The following PALD1 variants were observed in gnomAD, a reference collection of about 807,000 sequenced individuals.
The protein encoded by PALD1 is phosphatase domain containing paladin 1.
Under a neutral mutation model 96.0 loss-of-function variants are expected in PALD1, and 57 were observed. The observed-to-expected ratio is 0.59, with a 90% CI of 0.48 to 0.74. PALD1 has a LOEUF of 0.74. PALD1 is among the 30% of genes least tolerant of loss of function. The pLI is 0.00. For synonymous variants in PALD1, 464 were observed against 473.6 expected (o/e 0.98, Z 0.26); for missense variants, 1,063 against 1,143.7 (o/e 0.93, Z 1.02).
At chr10:70,497,303 G>A (rs1019632471) in intron 1 of PALD1, among the ~76,000 whole-genome samples, 6 of 152,364 alleles carry the variant, frequency 3.9e-5, no homozygotes, top group South Asian at 2.1e-4. Context: ...TTCTACTCAC[G>A]TGTGCTCCTG....
the PALD1 span, among the ~76,000 whole-genome samples, chr10:70,464,884 T>C: frequency 2.6e-4 from 40 of 152,046 alleles, no homozygotes; most frequent in African/African-American, 8.9e-4. Context: ...CATTTTGGCC[T>C]TCCAAAGTGC....
At chr10:70,465,671 C>T in the PALD1 span, among the ~76,000 whole-genome samples, 1 of 152,138 alleles carries the variant, frequency 6.6e-6, no homozygotes, top group Admixed American at 6.5e-5. Context: ...TGACACCCTC[C>T]AAGACATCAC....
intron 19 of PALD1, among the ~76,000 whole-genome samples, chr10:70,566,287 G>A (rs148851871): frequency 1.1e-3 from 172 of 152,310 alleles, no homozygotes; most frequent in Non-Finnish European, 2.2e-3. Context: ...TGGGAGCATC[G>A]AGCTGCACAG....
At chr10:70,558,151 G>T (rs1037659180) in intron 18 of PALD1, among the ~76,000 whole-genome samples, 19 of 151,786 alleles carry the variant, frequency 1.3e-4, no homozygotes, top group African/African-American at 3.9e-4. Context: ...TTGCTCTGTT[G>T]CCTGGGTTGC....
At chr10:70,556,279 CCTCTCTCT>C (rs112574716) in intron 18 of PALD1, among the ~76,000 whole-genome samples, 3 of 128,652 alleles carry the variant, frequency 2.3e-5, no homozygotes, top group African/African-American at 5.8e-5. Context: ...GTAGCCGAGA[CCTCTCTCT>C]CTCTCTCTCT....
intron 17 of PALD1, among the ~76,000 whole-genome samples, chr10:70,542,609 TCTTTC>T (rs2132402962): frequency 6.6e-6 from 1 of 152,374 alleles, no homozygotes; most frequent in Admixed American, 6.5e-5. Flanking sequence ...TGTCAGAATT[TCTTTC>T]CTTTTAGAGG....
intron 1 of PALD1, among the ~76,000 whole-genome samples, chr10:70,480,774 G>T (rs78677089): frequency 1.3e-5 from 2 of 152,334 alleles, no homozygotes; most frequent in Non-Finnish European, 2.9e-5. Flanking sequence ...AACAGGTGGT[G>T]CACAGACCTG....
intron 1 of PALD1, among the ~76,000 whole-genome samples, chr10:70,521,287 C>A (rs1200170466): frequency 6.6e-6 from 1 of 152,042 alleles, no homozygotes; most frequent in Non-Finnish European, 1.5e-5. Flanking sequence ...TCTAAAGAGG[C>A]AGGGAGGAAG....
At chr10:70,522,103 G>T (rs1297749639) in intron 1 of PALD1, among the ~76,000 whole-genome samples, 1 of 152,224 alleles carries the variant, frequency 6.6e-6, no homozygotes, top group East Asian at 1.9e-4. Flanking sequence ...TGACAAGGCT[G>T]CAGTGGCTCA....
At position 70,566,661 on chromosome 10, in the gene PALD1, C is replaced by T; in HGVS notation, c.2499C>T (p.Phe833=). 1.2e-6 allele frequency: 2 copies of T among 1,610,016 alleles called. No homozygotes were observed. Among genetic ancestry groups the T allele is most frequent in the Non-Finnish European group, 1.7e-6 (2 of 1,178,934 alleles). ...PELESGEDQP[F]SRLRYRWQEQ... ...TGGAGAGCGGGGAGGACCAGCCCTT[C>T]TCCAGGCTGCGCTACCGGTGGCAGG... Residue 833 remains phenylalanine, a synonymous_variant, in exon 20 of 20, where the codon TTC becomes TTT. Transcript: ENST00000263563.
chr10:70,498,331 G>A (rs1467388815), intron 1 of PALD1, among the ~76,000 whole-genome samples: 1 of 152,152 alleles, frequency 6.6e-6, no homozygotes, highest in East Asian at 1.9e-4. Context: ...GCTAGAGCGA[G>A]CACAGTGGCA....
At chr10:70,520,685 C>CTTTTTTTTTTT (rs10545684) in intron 1 of PALD1, among the ~76,000 whole-genome samples, 5 of 87,668 alleles carry the variant, frequency 5.7e-5, no homozygotes, top group South Asian at 5.3e-4. Flanking sequence ...TTCTTTCTTT[C>CTTTTTTTTTTT]TTTTTTTTTT....
At chr10:70,492,646 G>A (rs1268558927) in intron 1 of PALD1, among the ~76,000 whole-genome samples, 1 of 151,634 alleles carries the variant, frequency 6.6e-6, no homozygotes, top group Non-Finnish European at 1.5e-5. Context: ...TAGTAGAGAT[G>A]GGGTTTCACC....
chr10:70,544,321 G>A (rs754574551), intron 17 of PALD1, among the ~76,000 whole-genome samples: 5 of 152,192 alleles, frequency 3.3e-5, no homozygotes, highest in Non-Finnish European at 7.3e-5. Flanking sequence ...TTTGTCAGAA[G>A]GGAAGCAGGC....
chr10:70,484,731 G>T (rs990231408), intron 1 of PALD1, among the ~76,000 whole-genome samples: 8 of 151,908 alleles, frequency 5.3e-5, no homozygotes, highest in African/African-American at 1.9e-4. Context: ...TATAGATGGG[G>T]TTTTGCCATT....
chr10:70,485,134 C>T (rs1310513911), intron 1 of PALD1, among the ~76,000 whole-genome samples: 3 of 151,598 alleles, frequency 2.0e-5, no homozygotes, highest in Admixed American at 6.6e-5. Context: ...TTACAGAGTA[C>T]GAACATCTTA....
chr10:70,512,277 G>T (rs1188231187), intron 1 of PALD1, among the ~76,000 whole-genome samples: 2 of 152,072 alleles, frequency 1.3e-5, no homozygotes, highest in Non-Finnish European at 2.9e-5. Flanking sequence ...CCTGCTTCTG[G>T]GGGATGAAGG....
At position 70,567,941 on chromosome 10, in the gene PALD1, T is replaced by C. The variant is rs1371558813; in HGVS notation, c.*1208T>C. Reference sequence around the variant, plus strand: ...ACAGTGAGGAGGCTGTCCACCTTGCTTGGCTCACTGGGACCAGGAAAGCCT... The same window carrying C: ...ACAGTGAGGAGGCTGTCCACCTTGCCTGGCTCACTGGGACCAGGAAAGCCT... On this transcript the variant is annotated 3_prime_UTR_variant, in exon 20 of 20. Coordinates refer to ENST00000263563, the MANE Select transcript of PALD1 (RefSeq NM_014431.3). 1 of 152,094 alleles carries C rather than the reference T, an allele frequency of 6.6e-6. No homozygotes were observed. The highest frequency in any genetic ancestry group is 1.5e-5 in the Non-Finnish European group (1 of 68,020). 9.4% of individuals were successfully genotyped at this position (152,094 alleles called of 1,614,324 possible). A position where few individuals can be genotyped will look rare whatever the true frequency, so the allele number is the denominator to read the frequency against.
At chr10:70,465,732 T>G in the PALD1 span, among the ~76,000 whole-genome samples, 1 of 152,136 alleles carries the variant, frequency 6.6e-6, no homozygotes. Flanking sequence ...CTGCACAGGC[T>G]GAATGCAGAA....
Sources: gnomAD v4.1 joint callset for allele counts (sites outside exome capture counted in the v4.1 genomes callset) on GRCh38, gnomAD v4.1.1 for gene constraint, MANE v1.5 for transcripts, NCBI Gene and HGNC (gene_info 2026-07-23, HGNC 2026-07-21) for gene names.